The following LAMA1 variants were observed in gnomAD, a reference collection of about 807,000 sequenced individuals.
The protein encoded by LAMA1 is laminin subunit alpha-1.
In LAMA1, 219 loss-of-function variants were observed where a neutral mutation model predicts 348.7. The observed-to-expected ratio is 0.63, with a 90% CI of 0.56 to 0.70. LAMA1 has a LOEUF of 0.70. LAMA1 is among the 30% of genes least tolerant of loss of function. The pLI is 0.00. For synonymous variants in LAMA1, 1,487 were observed against 1,491.0 expected, an observed-to-expected ratio of 1.00 and a Z score of 0.06; for missense variants, 3,744 against 3,888.0, an observed-to-expected ratio of 0.96 and a Z score of 0.99.
chr18:7,096,064 T>C (rs2058259960), intron 1 of LAMA1, among the ~76,000 whole-genome samples: 1 of 152,142 alleles, frequency 6.6e-6, no homozygotes, highest in Non-Finnish European at 1.5e-5. Context: ...CGAGACTCCG[T>C]CTCAAAAAAA....
At chr18:6,973,329 G>T in intron 46 of LAMA1, 122 bp from the exon 47 acceptor site, 1 of 854,406 alleles carries the variant, frequency 1.2e-6, no homozygotes, top group Non-Finnish European at 1.9e-6. Flanking sequence ...GCACCCCCCT[G>T]CTGGCCTCCT....
chr18:7,023,594 C>A (rs569974890), intron 18 of LAMA1, among the ~76,000 whole-genome samples: 1 of 152,066 alleles, frequency 6.6e-6, no homozygotes, highest in Non-Finnish European at 1.5e-5. Flanking sequence ...ATCCAGGGGA[C>A]ATGCACCTGT....
intron 1 of LAMA1, among the ~76,000 whole-genome samples, chr18:7,085,871 C>G (rs919574300): frequency 6.6e-6 from 1 of 152,158 alleles, no homozygotes; most frequent in African/African-American, 2.4e-5. Flanking sequence ...CCTCTAACAA[C>G]TACAAATAGC....
intron 32 of LAMA1, among the ~76,000 whole-genome samples, chr18:6,998,433 C>T (rs2144088202): frequency 6.6e-6 from 1 of 152,260 alleles, no homozygotes; most frequent in South Asian, 2.1e-4. Context: ...CTTTATGCTG[C>T]CTGGCTCATC....
At chr18:7,018,336 C>CAAAA (rs764975447) in intron 19 of LAMA1, among the ~76,000 whole-genome samples, 11,440 of 44,008 alleles carry the variant, frequency 0.26, 2,109 homozygotes, top group Non-Finnish European at 0.31. Context: ...AACTCCATCT[C>CAAAA]AAAAAAAAAA....
Position 6,941,776 on chromosome 18 carries a change from A to G in LAMA1, c.*303T>C. On this transcript the variant is annotated 3_prime_UTR_variant, in exon 63 of 63. Transcript: ENST00000389658. ...TTATCATCTGTATTGATACTTTTTTAAAAAGCTCAAAATGAAAAACATAAA... is the reference window on the plus strand; with the variant it reads ...TTATCATCTGTATTGATACTTTTTTGAAAAGCTCAAAATGAAAAACATAAA... 1 of 374,658 alleles carries G rather than the reference A, an allele frequency of 2.7e-6. No individual in the cohort carries two copies. The highest frequency in any genetic ancestry group is 5.1e-6 in the Non-Finnish European group (1 of 197,256). The allele number at this position is 374,658 out of a possible 1,614,324, so 23.2% of individuals were successfully genotyped here.
intron 3 of LAMA1, among the ~76,000 whole-genome samples, chr18:7,072,819 G>A (rs2058151262): frequency 6.6e-6 from 1 of 152,120 alleles, no homozygotes; most frequent in Non-Finnish European, 1.5e-5. Context: ...TGCTGAGGCT[G>A]GGACGCTGCA....
rs1043116351 is a variant in LAMA1, at chr18:7,062,535, G to C, written c.346-11599C>G. On this transcript the variant is annotated intron_variant, in intron 3 of 62. Transcript: ENST00000389658. ...GAGCTACAGGGTCACCGGAGCTGAA[G>C]GTCACAGGATTGGATGTTGGTGCCT... 1.3e-5 allele frequency among the ~76,000 whole-genome samples: 2 copies of C among 152,200 alleles called. 1 individual carries two copies. Among genetic ancestry groups the C allele is most frequent in the African/African-American group, 4.8e-5 (2 of 41,452 alleles).
chr18:6,954,188 G>A (rs1004776754), intron 57 of LAMA1: 1 of 152,208 alleles, frequency 6.6e-6, no homozygotes, highest in African/African-American at 2.4e-5. Flanking sequence ...TGAGATTGAC[G>A]GCTATGATAT....
chr18:7,078,219 T>C (rs1189638580), intron 3 of LAMA1, among the ~76,000 whole-genome samples: 5 of 150,434 alleles, frequency 3.3e-5, no homozygotes, highest in Non-Finnish European at 5.9e-5. Context: ...CAGGCTGGAG[T>C]GCAGTGGTGT....
At chr18:7,008,350 ATTAATTTCTTT>A in intron 28 of LAMA1, 127 bp downstream of exon 28, 5 of 1,024,030 alleles carry the variant, frequency 4.9e-6, no homozygotes, top group South Asian at 3.1e-5. Context: ...TTTTACCAAA[ATTAATTTCTTT>A]TTAATTCAAA....
At chr18:7,061,779 G>C (rs2058102768) in intron 3 of LAMA1, among the ~76,000 whole-genome samples, 1 of 152,164 alleles carries the variant, frequency 6.6e-6, no homozygotes, top group Admixed American at 6.5e-5. Flanking sequence ...CGCGGTGGAG[G>C]CCTGCTCGAC....
At chr18:7,001,372 C>T (rs528999841) in intron 30 of LAMA1, among the ~76,000 whole-genome samples, 1 of 152,288 alleles carries the variant, frequency 6.6e-6, no homozygotes, top group Non-Finnish European at 1.5e-5. Flanking sequence ...TCTTTACACA[C>T]ACATGCAAGT....
At position 6,999,951 on chromosome 18, in the gene LAMA1, C is replaced by T; in HGVS notation, c.4429G>A (p.Asp1477Asn). 6.2e-7 allele frequency: 1 copy of T among 1,614,136 alleles called. No homozygotes were observed. Among genetic ancestry groups the T allele is most frequent in the Non-Finnish European group, 8.5e-7 (1 of 1,179,992 alleles). ...VLEGDHDFRC[D>N]ACLLGYEGKH... ...CCTTCATAGCCCAGGAGACAGGCGT[C>T]ACAACGGAAATCGTGGTCCCCTTCC... Residue 1477 changes from aspartate to asparagine, a missense_variant, in exon 31 of 63, where the codon GAC (aspartate) becomes AAC (asparagine). Physicochemically the swap from Asp to Asn is conservative, Grantham distance 23. Coordinates refer to ENST00000389658, the MANE Select transcript of LAMA1 (RefSeq NM_005559.4).
At chr18:6,955,507 C>T (rs752653512) in intron 56 of LAMA1, 42 bp from the exon 57 acceptor site, 1 of 1,445,814 alleles carries the variant, frequency 6.9e-7, no homozygotes, top group Non-Finnish European at 9.7e-7. Context: ...CACCCGCAGC[C>T]CGAACCCCAC....
intron 51 of LAMA1, 109 bp from the exon 52 acceptor site, chr18:6,962,168 T>A (rs763793279): frequency 2.6e-6 from 2 of 771,982 alleles, no homozygotes; most frequent in Non-Finnish European, 4.7e-6. Context: ...ATGCCTGTAA[T>A]CCCAGCACTT....
At chr18:6,974,810 T>C (rs1490532791) in intron 46 of LAMA1, 93 bp downstream of exon 46, 21 of 1,513,832 alleles carry the variant, frequency 1.4e-5, no homozygotes, top group Non-Finnish European at 1.9e-5. Context: ...TTCCAGAAGT[T>C]TCAAAGCCTA....
At chr18:7,068,928 CT>C (rs11300831) in intron 3 of LAMA1, among the ~76,000 whole-genome samples, 21,994 of 152,076 alleles carry the variant, frequency 0.14, 5,281 homozygotes, top group African/African-American at 0.5. Flanking sequence ...ACGGACTTCC[CT>C]TTTTTCCCAT....
At chr18:7,080,941 G>A (rs1013266412) in intron 1 of LAMA1, among the ~76,000 whole-genome samples, 2 of 152,078 alleles carry the variant, frequency 1.3e-5, no homozygotes, top group Admixed American at 6.6e-5. Flanking sequence ...AATTCACTTC[G>A]AAATGCACCA....
Sources: gnomAD v4.1 joint callset for allele counts (sites outside exome capture counted in the v4.1 genomes callset) on GRCh38, gnomAD v4.1.1 for gene constraint, MANE v1.5 for transcripts, NCBI Gene and HGNC (gene_info 2026-07-23, HGNC 2026-07-21) for gene names.